The following TRIM2 variants were observed in gnomAD, a reference collection of about 807,000 sequenced individuals.
The protein encoded by TRIM2 is tripartite motif-containing protein 2.
TRIM2 carries 20 observed loss-of-function variants against 75.2 expected under a neutral mutation model. The ratio of observed to expected loss-of-function variants is 0.27; its 90% confidence interval spans 0.19 to 0.39. The LOEUF (loss-of-function observed/expected upper bound fraction) is 0.39. Among genes scored for constraint, TRIM2 ranks in the 10% least tolerant of loss-of-function variants. TRIM2 has a pLI of 1.00. For missense variants in TRIM2, 660 were observed against 990.8 expected (o/e 0.67, Z 4.48); for synonymous variants, 373 against 388.3 (o/e 0.96, Z 0.46).
intron 3 of TRIM2, among the ~76,000 whole-genome samples, chr4:153,277,819 C>T (rs187271829): frequency 1.4e-4 from 21 of 152,288 alleles, no homozygotes; most frequent in African/African-American, 4.6e-4. Context: ...GTTTTCCATG[C>T]ATTTTATGCC....
Position 153,328,634 on chromosome 4 carries a change from C to T in TRIM2, c.2127C>T (p.Asn709=). The part of the protein sequence containing the change: ...PTGVAVDSNG[N]IIVADWGNSR... ...GTGTAGCAGTGGATTCAAATGGAAA[C>T]ATCATTGTGGCCGACTGGGGAAACA... The change falls in exon 11 of 12, where the codon AAC becomes AAT. Residue 709 remains asparagine (N), a synonymous_variant. Transcript: ENST00000338700. 3.1e-6 allele frequency: 5 copies of T among 1,611,932 alleles called. No individual in the cohort carries two copies. Among genetic ancestry groups the T allele is most frequent in the Non-Finnish European group, 4.2e-6 (5 of 1,179,110 alleles).
intron 1 of TRIM2, among the ~76,000 whole-genome samples, chr4:153,182,033 C>T (rs953658894): frequency 6.6e-6 from 1 of 152,186 alleles, no homozygotes; most frequent in East Asian, 1.9e-4. Flanking sequence ...TTTAAGGGAA[C>T]AAGATGCATG....
At chr4:153,239,832 C>CTTTTTTTTTTTTTTTTTTTTTTTTT (rs142457664) in intron 1 of TRIM2, among the ~76,000 whole-genome samples, 1 of 139,448 alleles carries the variant, frequency 7.2e-6, no homozygotes. Flanking sequence ...AACTTTCTTT[C>CTTTTTTTTTTTTTTTTTTTTTTTTT]TCTTTTTTTT....
Position 153,315,832 on chromosome 4 carries a change from A to G in TRIM2, c.1615A>G (p.Ile539Val), listed in dbSNP as rs113767540. ...IADSNNQCVQ[I>V]FSNDGQFKSR... The stretch of plus-strand genomic sequence containing the variant: ...CCAATGAATGTAATTTATCTTACAG[A>G]TATTTTCCAATGATGGCCAGTTCAA... Residue 539 changes from isoleucine to valine, a missense_variant and splice_region_variant, in exon 8 of 12, where the codon ATA (isoleucine) becomes GTA (valine). Ile to Val is a conservative substitution (Grantham distance 29). Transcript: ENST00000338700. The G allele has an allele frequency of 6.2e-7, 1 of 1,614,146 alleles. No individual in the cohort carries two copies.
At chr4:153,301,108 T>A (rs1364780209) in intron 6 of TRIM2, among the ~76,000 whole-genome samples, 2 of 151,898 alleles carry the variant, frequency 1.3e-5, no homozygotes, top group Admixed American at 1.3e-4. Flanking sequence ...GGAGAATCAC[T>A]TGAACCCAGG....
chr4:153,230,773 C>T (rs1392449846), intron 1 of TRIM2, among the ~76,000 whole-genome samples: 7 of 152,318 alleles, frequency 4.6e-5, no homozygotes, highest in African/African-American at 1.7e-4. Flanking sequence ...ATGAAATTTA[C>T]TGGCCCCTGT....
intron 1 of TRIM2, among the ~76,000 whole-genome samples, chr4:153,176,178 GCA>G (rs1731415997): frequency 6.6e-6 from 1 of 152,130 alleles, no homozygotes; most frequent in South Asian, 2.1e-4. Flanking sequence ...GCATGGCTAG[GCA>G]CAGTGGCTTC....
At chr4:153,315,346 G>A (rs1172024015) in intron 6 of TRIM2, 139 bp from the exon 7 acceptor site, 6 of 613,432 alleles carry the variant, frequency 9.8e-6, no homozygotes, top group African/African-American at 1.9e-5. Flanking sequence ...TATTGGGGAG[G>A]GAGGGTGCCC....
At chr4:153,220,975 G>T (rs902380966) in intron 1 of TRIM2, among the ~76,000 whole-genome samples, 1 of 152,034 alleles carries the variant, frequency 6.6e-6, no homozygotes, top group Non-Finnish European at 1.5e-5. Context: ...ATGACCCAGT[G>T]ATTTCACTCC....
chr4:153,333,691 C>T (rs1287409677), intron 11 of TRIM2, among the ~76,000 whole-genome samples: 8 of 152,072 alleles, frequency 5.3e-5, no homozygotes, highest in South Asian at 2.1e-4. Flanking sequence ...TTTGTGAATT[C>T]AACCAAATAC....
chr4:153,265,779 C>CAA (rs1231686752), intron 1 of TRIM2: 2 of 151,992 alleles, frequency 1.3e-5, no homozygotes, highest in Non-Finnish European at 2.9e-5. Context: ...AAGTTACACA[C>CAA]ACACACTCTA....
chr4:153,250,520 A>G (rs1432329480), intron 1 of TRIM2, among the ~76,000 whole-genome samples: 1 of 152,232 alleles, frequency 6.6e-6, no homozygotes, highest in Non-Finnish European at 1.5e-5. Flanking sequence ...AAAAAAAAGC[A>G]TCCTGAGTTC....
At chr4:153,249,607 T>C (rs561556495) in intron 1 of TRIM2, among the ~76,000 whole-genome samples, 3 of 150,516 alleles carry the variant, frequency 2.0e-5, no homozygotes, top group African/African-American at 7.5e-5. Flanking sequence ...TGCTCCCGCC[T>C]CGGCCACCTC....
chr4:153,247,492 A>G (rs551394692), intron 1 of TRIM2, among the ~76,000 whole-genome samples: 32 of 152,114 alleles, frequency 2.1e-4, no homozygotes, highest in Admixed American at 3.9e-4. Flanking sequence ...CCTGGCCAAC[A>G]TGCCAAAACC....
intron 1 of TRIM2, chr4:153,156,657 T>C (rs767043415): frequency 2.0e-5 from 3 of 152,194 alleles, no homozygotes; most frequent in Non-Finnish European, 4.4e-5. Flanking sequence ...TGAAGTATGA[T>C]TCTTACAAAT....
intron 6 of TRIM2, among the ~76,000 whole-genome samples, chr4:153,302,889 A>C (rs1764209936): frequency 6.6e-6 from 1 of 152,236 alleles, no homozygotes; most frequent in South Asian, 2.1e-4. Context: ...ATTCCCAAAA[A>C]ATACACAGAA....
chr4:153,197,606 T>C (rs1040508176), intron 1 of TRIM2, among the ~76,000 whole-genome samples: 1 of 152,164 alleles, frequency 6.6e-6, no homozygotes, highest in Non-Finnish European at 1.5e-5. Context: ...ACCAAGTGGC[T>C]CATGCCTGTA....
intron 3 of TRIM2, among the ~76,000 whole-genome samples, chr4:153,291,242 A>G (rs1031866858): frequency 6.6e-6 from 1 of 152,210 alleles, no homozygotes; most frequent in African/African-American, 2.4e-5. Flanking sequence ...CTTTATTCCT[A>G]GGAGAATCTT....
At chr4:153,262,002 G>C (rs551550313) in intron 1 of TRIM2, among the ~76,000 whole-genome samples, 12 of 152,320 alleles carry the variant, frequency 7.9e-5, no homozygotes, top group African/African-American at 2.4e-4. Context: ...CAAGGATTTT[G>C]TTATGTGATC....
Sources: allele counts gnomAD v4.1 joint callset (sites outside exome capture counted in the v4.1 genomes callset), GRCh38; gene constraint gnomAD v4.1.1; transcripts MANE v1.5; gene names NCBI Gene and HGNC (gene_info 2026-07-23, HGNC 2026-07-21).